The following CDCA5 variants were observed in gnomAD, a reference collection of about 807,000 sequenced individuals.
CDCA5 encodes the protein sororin.
In CDCA5, 14 loss-of-function variants were observed where a neutral mutation model predicts 25.7. The observed-to-expected ratio is 0.54, with a 90% CI of 0.36 to 0.85. CDCA5 has a LOEUF of 0.85. CDCA5 is among the 40% of genes least tolerant of loss of function. CDCA5 has a pLI of 0.01. For synonymous variants in CDCA5, 127 were observed against 128.7 expected (o/e 0.99, Z 0.09); for missense variants, 307 against 324.5 (o/e 0.95, Z 0.41).
intron 2 of CDCA5, chr11:65,068,447 C>T (rs1947282000): frequency 1.7e-6 from 2 of 1,160,664 alleles, no homozygotes; most frequent in South Asian, 2.6e-5. Context: ...CTCCTGCCTC[C>T]CCTGCCCACT....
chr11:65,083,744 A>C, intron 1 of CDCA5, 21 bp from the exon 2 acceptor site: 1 of 1,604,114 alleles, frequency 6.2e-7, no homozygotes, highest in Admixed American at 1.7e-5. Context: ...AAAAAAGTTA[A>C]GTGGTAGAGG....
At chr11:65,074,399 A>G (rs901825645), downstream of CDCA5, among the ~76,000 whole-genome samples, 1 of 152,084 alleles carries the variant, frequency 6.6e-6, no homozygotes, top group Admixed American at 6.6e-5. Flanking sequence ...AAGGCTGAAT[A>G]ATATTCCACT....
exon 7 of CDCA5, chr11:65,066,374 C>T: frequency 8.4e-7 from 1 of 1,187,812 alleles, no homozygotes; most frequent in Non-Finnish European, 1.1e-6. Context: ...GGTGTCCGAC[C>T]TCTGGCCTGG....
chr11:65,080,941 T>C (rs1187058047), intron 4 of CDCA5, among the ~76,000 whole-genome samples: 2 of 152,146 alleles, frequency 1.3e-5, no homozygotes, highest in Non-Finnish European at 2.9e-5. Flanking sequence ...GGTCAATACA[T>C]CCCTCACTGA....
In CDCA5 at chr11:65,078,219, T is replaced by G. The variant is rs1037449079; in HGVS notation, c.*888A>C. ...CAAGTAGACTCGGTGTAACTTATTT[T>G]GTAAGAAATGGGTATGGGTGACAAG... On this transcript the variant is annotated 3_prime_UTR_variant, in exon 6 of 6. Coordinates refer to ENST00000275517, the MANE Select transcript of CDCA5 (RefSeq NM_080668.4). 1.0e-6 allele frequency: 1 copy of G among 985,330 alleles called. No homozygotes were observed. The highest frequency in any genetic ancestry group is 1.2e-6 in the Non-Finnish European group (1 of 829,976). 61.0% of individuals were successfully genotyped at this position (985,330 alleles called of 1,614,324 possible).
At position 65,066,506 on chromosome 11, in the gene CDCA5, G is replaced by A. The variant is rs1259057542; in HGVS notation, c.564-33C>T. 3 of 1,289,100 alleles carry A rather than the reference G, an allele frequency of 2.3e-6. No homozygotes were observed. In the African/African-American group the frequency reaches 4.6e-5, roughly 20 times the overall value. The allele number at this position is 1,289,100 out of a possible 1,614,324, so 79.9% of individuals were successfully genotyped here. A position where few individuals can be genotyped will look rare whatever the true frequency, so the allele number is the denominator to read the frequency against. On this transcript the variant is annotated intron_variant, in intron 6 of 6. Coordinates refer to the CDCA5 transcript ENST00000525464. ...CAGAGACAGCTCGAGTGAGCAGCAT[G>A]GGGCAGCCGCCTCTTCCCTCCCCGC...
Position 65,078,002 on chromosome 11 carries a change from T to C in CDCA5, c.*1105A>G. On this transcript the variant is annotated 3_prime_UTR_variant, in exon 6 of 6. Coordinates refer to ENST00000275517, the MANE Select transcript of CDCA5 (RefSeq NM_080668.4). Reference sequence around the variant, plus strand: ...CCACACGATGGAAAGAAGAGAAAGATGGGGAAATTCTCCAGAGATCATGAG... The same window carrying C: ...CCACACGATGGAAAGAAGAGAAAGACGGGGAAATTCTCCAGAGATCATGAG... 1 of 985,388 alleles carries C rather than the reference T, an allele frequency of 1.0e-6. No homozygotes were observed. The highest frequency in any genetic ancestry group is 4.7e-5 in the South Asian group (1 of 21,282). The allele number at this position is 985,388 out of a possible 1,614,324, so 61.0% of individuals were successfully genotyped here.
chr11:65,071,198 T>C (rs1947335734), intron 1 of CDCA5, among the ~76,000 whole-genome samples: 1 of 152,004 alleles, frequency 6.6e-6, no homozygotes, highest in African/African-American at 2.4e-5. Flanking sequence ...CGCCTTGGCC[T>C]CCCAAAGTGC....
chr11:65,076,304 A>G (rs34286689), downstream of CDCA5, among the ~76,000 whole-genome samples: 71,625 of 148,780 alleles, frequency 0.48, 20,131 homozygotes, highest in Non-Finnish European at 0.63. Context: ...TTTTGTAGTC[A>G]GGATCTCCCT....
Position 65,067,812 on chromosome 11 carries a change from T to C in CDCA5, c.270-59A>G, listed in dbSNP as rs1003120424. ...GGGTCTAGGGGATGAGGGAAGTGGG[T>C]GGGTGGTGTGGGGGTGCCCAGCCAA... On this transcript the variant is annotated intron_variant, in intron 3 of 6. Coordinates refer to the CDCA5 transcript ENST00000525464. 7 of 792,042 alleles carry C rather than the reference T, an allele frequency of 8.8e-6. No homozygotes were observed. In the African/African-American group the frequency reaches 1.1e-4, roughly 12 times the overall value. The allele number at this position is 792,042 out of a possible 1,614,324, so 49.1% of individuals were successfully genotyped here.
chr11:65,071,650 G>A (rs1947345785), intron 1 of CDCA5, among the ~76,000 whole-genome samples: 1 of 152,122 alleles, frequency 6.6e-6, no homozygotes, highest in Admixed American at 6.6e-5. Context: ...GGCTTAAGTG[G>A]GCATCTTGTA....
At chr11:65,061,829 CAAATGACT>C (rs1207348585), downstream of CDCA5, among the ~76,000 whole-genome samples, 4 of 145,324 alleles carry the variant, frequency 2.8e-5, no homozygotes, top group African/African-American at 5.1e-5. Context: ...AGAACCAATA[CAAATGACT>C]AAATATAGAC....
downstream of CDCA5, among the ~76,000 whole-genome samples, chr11:65,074,513 A>C (rs763988904): frequency 3.5e-4 from 54 of 152,176 alleles, no homozygotes; most frequent in Non-Finnish European, 6.3e-4. Flanking sequence ...CTTGGTGTAC[A>C]AATCTATTCC....
rs1307086737 is a variant in CDCA5, at chr11:65,083,691, G to A, written c.79C>T (p.Arg27Trp). Reference sequence around the variant, plus strand: ...GAGCCTGATTTCCGCTGGGACCTCCGCAGAGGCTTAGTAGGAGATGGGGCC... The same window carrying A: ...GAGCCTGATTTCCGCTGGGACCTCCACAGAGGCTTAGTAGGAGATGGGGCC... ...PRAPSPTKPLRRSQRKSGSEL... is the reference protein window; with the variant it reads ...PRAPSPTKPLWRSQRKSGSEL... Residue 27 changes from arginine to tryptophan, a missense_variant, in exon 2 of 6, where the codon CGG becomes TGG. Transcript: ENST00000275517. The A allele has an allele frequency of 6.2e-7, 1 of 1,614,148 alleles. No homozygotes were observed. The highest frequency in any genetic ancestry group is 2.2e-5 in the East Asian group (1 of 44,878).
intron 5 of CDCA5, chr11:65,066,795 C>T (rs1205259361): frequency 7.0e-6 from 9 of 1,289,242 alleles, no homozygotes; most frequent in Non-Finnish European, 9.1e-6. Flanking sequence ...GAAATGGGGT[C>T]CTGGCTCAGG....
At chr11:65,074,309 G>A (rs186217841), downstream of CDCA5, among the ~76,000 whole-genome samples, 3 of 152,154 alleles carry the variant, frequency 2.0e-5, no homozygotes, top group African/African-American at 7.2e-5. Context: ...CTGACCTCAA[G>A]TGACCCACCA....
chr11:65,076,016 C>T (rs1228441013), downstream of CDCA5, among the ~76,000 whole-genome samples: 2 of 152,170 alleles, frequency 1.3e-5, no homozygotes, highest in Non-Finnish European at 1.5e-5. Context: ...AAGAGAGTGA[C>T]GAGGGCATTG....
downstream of CDCA5, among the ~76,000 whole-genome samples, chr11:65,063,263 C>G (rs949189091): frequency 1.3e-5 from 2 of 152,154 alleles, no homozygotes; most frequent in Non-Finnish European, 2.9e-5. Flanking sequence ...CAAAGGATGA[C>G]GTTGCAGGAT....
In CDCA5 at chr11:65,078,362, GA is replaced by G; in HGVS notation, c.*744del. On this transcript the variant is annotated 3_prime_UTR_variant, in exon 6 of 6. Coordinates refer to ENST00000275517, the MANE Select transcript of CDCA5 (RefSeq NM_080668.4). ...TCACAGCACCTGGTGGCCACACCCT[GA>G]AATGCACCCTTTGCTCCAAGCAGCC... is the stretch of plus-strand genomic sequence containing the variant. The G allele has an allele frequency of 4.1e-6, 4 of 985,770 alleles. No individual in the cohort carries two copies. The highest frequency in any genetic ancestry group is 4.8e-6 in the Non-Finnish European group (4 of 830,104). 61.1% of individuals were successfully genotyped at this position (985,770 alleles called of 1,614,324 possible).
Sources: gnomAD v4.1 joint callset for allele counts (sites outside exome capture counted in the v4.1 genomes callset) on GRCh38, gnomAD v4.1.1 for gene constraint, MANE v1.5 for transcripts, NCBI Gene and HGNC (gene_info 2026-07-23, HGNC 2026-07-21) for gene names.